ZFPM2: variants seen among roughly 807,000 people sequenced by gnomAD.
The protein encoded by ZFPM2 is zinc finger protein ZFPM2.
In ZFPM2, 20 loss-of-function variants were observed where a neutral mutation model predicts 98.6. The observed-to-expected ratio is 0.20, with a 90% CI of 0.14 to 0.29. The LOEUF (loss-of-function observed/expected upper bound fraction) is 0.29. Among genes scored for constraint, ZFPM2 ranks in the 10% least tolerant of loss-of-function variants. ZFPM2 has a pLI of 1.00. For missense variants in ZFPM2, 1,310 were observed against 1,388.6 expected (o/e 0.94, Z 0.90); for synonymous variants, 518 against 502.7 (o/e 1.03, Z -0.41).
intron 5 of ZFPM2, among the ~76,000 whole-genome samples, chr8:105,723,659 G>A (rs933066317): frequency 2.6e-5 from 4 of 151,790 alleles, no homozygotes; most frequent in African/African-American, 9.7e-5. Context: ...CAAGAGACTG[G>A]CAGCTAATGT....
chr8:105,395,446 A>C (rs931236401), intron 1 of ZFPM2, among the ~76,000 whole-genome samples: 2 of 152,132 alleles, frequency 1.3e-5, no homozygotes, highest in African/African-American at 4.8e-5. Context: ...CATTTTATCT[A>C]ATCCTCTTTA....
intron 2 of ZFPM2, among the ~76,000 whole-genome samples, chr8:105,427,367 A>T (rs895889907): frequency 1.3e-5 from 2 of 152,318 alleles, no homozygotes; most frequent in African/African-American, 4.8e-5. Flanking sequence ...TGAGTAACAT[A>T]TGATAATATG....
At chr8:105,692,891 A>G (rs1463301688) in intron 5 of ZFPM2, among the ~76,000 whole-genome samples, 9 of 152,208 alleles carry the variant, frequency 5.9e-5, no homozygotes, top group African/African-American at 2.2e-4. Context: ...TGATGAGTAG[A>G]CCATAGAAAG....
intron 5 of ZFPM2, among the ~76,000 whole-genome samples, chr8:105,635,411 CA>C (rs1816827071): frequency 6.6e-6 from 1 of 151,690 alleles, no homozygotes; most frequent in Non-Finnish European, 1.5e-5. Flanking sequence ...TCTTAACTAC[CA>C]TAAGCCTTTG....
chr8:105,393,377 T>TCTTTCTTTCTTTCTTTCTTTC (rs1162416748), intron 1 of ZFPM2, among the ~76,000 whole-genome samples: 1 of 110,474 alleles, frequency 9.1e-6, no homozygotes, highest in East Asian at 2.4e-4. Flanking sequence ...TTTCTTTCTT[T>TCTTTCTTTCTTTCTTTCTTTC]CTTTCTTTCT....
intron 1 of ZFPM2, among the ~76,000 whole-genome samples, chr8:105,340,757 G>C (rs930922890): frequency 2.6e-5 from 4 of 151,890 alleles, no homozygotes; most frequent in Non-Finnish European, 5.9e-5. Context: ...TAAGATCTCT[G>C]CTTTCACAGA....
At chr8:105,665,324 G>T (rs1817469029) in intron 5 of ZFPM2, among the ~76,000 whole-genome samples, 1 of 152,090 alleles carries the variant, frequency 6.6e-6, no homozygotes, top group Non-Finnish European at 1.5e-5. Flanking sequence ...ATGAACTTTT[G>T]GGGGACATAC....
rs771858795 is a variant in ZFPM2, at chr8:105,803,252, A to T, written c.3170A>T (p.Asn1057Ile). The T allele has an allele frequency of 6.2e-7, 1 of 1,603,112 alleles. No individual in the cohort carries two copies. Among genetic ancestry groups the T allele is most frequent in the Non-Finnish European group, 8.5e-7 (1 of 1,173,916 alleles). The change falls in exon 8 of 8, where the codon AAC becomes ATC. Residue 1057 changes from asparagine to isoleucine, a missense_variant. Coordinates refer to ENST00000407775, the MANE Select transcript of ZFPM2 (RefSeq NM_012082.4). ...AAACAAGATGAGAGACCTGCTGCCA[A>T]CCCACAGCAAGAGAACATTTCCCAG... ...GLKQDERPAANPQQENISQNP... is the reference protein window; with the variant it reads ...GLKQDERPAAIPQQENISQNP...
At chr8:105,433,604 A>G (rs1249729606) in intron 2 of ZFPM2, among the ~76,000 whole-genome samples, 1 of 152,012 alleles carries the variant, frequency 6.6e-6, no homozygotes, top group Non-Finnish European at 1.5e-5. Context: ...TGGCTAACAC[A>G]GTGAAACCCA....
chr8:105,534,018 T>TC (rs767802913), intron 3 of ZFPM2, among the ~76,000 whole-genome samples: 3,013 of 25,186 alleles, frequency 0.12, 689 homozygotes, highest in African/African-American at 0.25. Flanking sequence ...CTTCCTCCCT[T>TC]CTTCCCTTCC....
chr8:105,496,275 G>A (rs1409286951), intron 3 of ZFPM2, among the ~76,000 whole-genome samples: 1 of 152,102 alleles, frequency 6.6e-6, no homozygotes, highest in Non-Finnish European at 1.5e-5. Context: ...GCCTCCCAAA[G>A]TGCTGGGATT....
intron 5 of ZFPM2, among the ~76,000 whole-genome samples, chr8:105,735,727 C>A (rs1285545152): frequency 6.6e-6 from 1 of 151,866 alleles, no homozygotes; most frequent in African/African-American, 2.4e-5. Context: ...TTAGGTCATC[C>A]AAACTTCATT....
chr8:105,759,303 C>T (rs1357024569), intron 5 of ZFPM2, among the ~76,000 whole-genome samples: 1 of 152,076 alleles, frequency 6.6e-6, no homozygotes, highest in Non-Finnish European at 1.5e-5. Flanking sequence ...CACAGTATTG[C>T]ATGCCATATG....
intron 5 of ZFPM2, among the ~76,000 whole-genome samples, chr8:105,711,609 A>G (rs1267509384): frequency 1.3e-5 from 2 of 152,112 alleles, no homozygotes; most frequent in East Asian, 1.9e-4. Flanking sequence ...AGTGCATACT[A>G]TATATACCAC....
At chr8:105,458,853 A>ATT (rs551610908) in intron 3 of ZFPM2, among the ~76,000 whole-genome samples, 1 of 148,198 alleles carries the variant, frequency 6.7e-6, no homozygotes, top group African/African-American at 2.5e-5. Context: ...AGTAGAGAAT[A>ATT]TTTTTTTTTT....
chr8:105,471,783 T>C (rs1212427726), intron 3 of ZFPM2, among the ~76,000 whole-genome samples: 1 of 152,216 alleles, frequency 6.6e-6, no homozygotes, highest in Non-Finnish European at 1.5e-5. Context: ...ATTTCAGTTC[T>C]TATTAGAGCA....
chr8:105,600,850 T>C (rs116405331), intron 4 of ZFPM2, among the ~76,000 whole-genome samples: 73 of 152,218 alleles, frequency 4.8e-4, no homozygotes, highest in Middle Eastern at 3.4e-3. Flanking sequence ...TTCTTAAGAC[T>C]TTAGCATGAC....
At chr8:105,463,491 A>C (rs1167718005) in intron 3 of ZFPM2, among the ~76,000 whole-genome samples, 2 of 152,024 alleles carry the variant, frequency 1.3e-5, no homozygotes, top group African/African-American at 2.4e-5. Flanking sequence ...TATTAGCAGT[A>C]TTACAGTAAT....
At chr8:105,531,987 G>A (rs1217581189) in intron 3 of ZFPM2, among the ~76,000 whole-genome samples, 1 of 151,924 alleles carries the variant, frequency 6.6e-6, no homozygotes, top group Non-Finnish European at 1.5e-5. Context: ...TGCAACCTTT[G>A]TCTCCTGGGT....
Sources: gnomAD v4.1 joint callset for allele counts (sites outside exome capture counted in the v4.1 genomes callset) on GRCh38, gnomAD v4.1.1 for gene constraint, MANE v1.5 for transcripts, NCBI Gene and HGNC (gene_info 2026-07-23, HGNC 2026-07-21) for gene names.